Variants in TUBGCP4 observed in about 807,000 individuals in gnomAD.
The protein encoded by TUBGCP4 is gamma-tubulin complex component 4.
A neutral mutation model predicts 91.6 loss-of-function variants in TUBGCP4; 54 were observed. That is an observed-to-expected ratio of 0.59 (90% CI 0.47 to 0.74). TUBGCP4 has a LOEUF of 0.74. Among genes scored for constraint, TUBGCP4 ranks in the 30% least tolerant of loss-of-function variants. The pLI, the probability that TUBGCP4 is intolerant of heterozygous loss-of-function variation, is 0.00. For missense variants in TUBGCP4, 593 were observed against 800.9 expected (o/e 0.74, Z 3.13); for synonymous variants, 297 against 302.8 (o/e 0.98, Z 0.20).
intron 10 of TUBGCP4, 130 bp downstream of exon 10, chr15:43,395,287 G>A (rs1343558183): frequency 3.9e-6 from 4 of 1,028,674 alleles, no homozygotes; most frequent in Non-Finnish European, 4.6e-6. Flanking sequence ...TCTTATCCAA[G>A]TGAGCAAACT....
chr15:43,373,504 T>C (rs998853242), intron 1 of TUBGCP4, among the ~76,000 whole-genome samples: 4 of 152,234 alleles, frequency 2.6e-5, no homozygotes, highest in Non-Finnish European at 4.4e-5. Flanking sequence ...TATTAACTTA[T>C]TTAATCCTCA....
chr15:43,372,534 A>G (rs560198221), intron 1 of TUBGCP4, among the ~76,000 whole-genome samples: 71 of 148,170 alleles, frequency 4.8e-4, no homozygotes, highest in Admixed American at 7.7e-4. Context: ...GTACAATGCC[A>G]GGCATATAGG....
chr15:43,396,884 C>A lies in TUBGCP4; in HGVS notation c.1172-330C>A, dbSNP rs371712516. 1.9e-3 allele frequency among the ~76,000 whole-genome samples: 296 copies of A among 152,246 alleles called. 2 individuals carry two copies. The highest frequency in any genetic ancestry group is 6.6e-3 in the African/African-American group (276 of 41,540). ...TGGCCTGGCTTGGTCATGTTAATAT[C>A]CCTAAACAATATAGCATAACAAAGT... is the stretch of plus-strand genomic sequence containing the variant. On this transcript the variant is annotated intron_variant, in intron 11 of 17. Transcript: ENST00000564079.
Position 43,403,648 on chromosome 15 carries a change from T to G in TUBGCP4, c.1732-35T>G, listed in dbSNP as rs1383117008. The stretch of plus-strand genomic sequence containing the variant: ...CTTTAACTTCATGGATGTACCTTCC[T>G]TCCTTTCCTAATGCCAACTCTGTTT... On this transcript the variant is annotated intron_variant, in intron 15 of 17. Transcript: ENST00000564079. The G allele has an allele frequency of 2.0e-6, 3 of 1,483,516 alleles. No individual in the cohort carries two copies. In the African/African-American group the frequency reaches 4.1e-5, roughly 21 times the overall value. The allele number at this position is 1,483,516 out of a possible 1,614,324, so 91.9% of individuals were successfully genotyped here.
Position 43,407,799 on chromosome 15 carries a change from A to C in TUBGCP4, c.*2585A>C. On this transcript the variant is annotated 3_prime_UTR_variant, in exon 18 of 18. Transcript: ENST00000564079. Reference sequence around the variant, plus strand: ...TCCAGTGCTTCACTTATGTTGACTCACCTCTTGAAGGTGGTACTTTTCTTC... The same window carrying C: ...TCCAGTGCTTCACTTATGTTGACTCCCCTCTTGAAGGTGGTACTTTTCTTC... 1.6e-5 allele frequency: 14 copies of C among 885,110 alleles called. No individual in the cohort carries two copies. The South Asian group carries it at 2.1e-4, about 13-fold the overall frequency. 54.8% of individuals were successfully genotyped at this position (885,110 alleles called of 1,614,324 possible). A position where few individuals can be genotyped will look rare whatever the true frequency, so the allele number is the denominator to read the frequency against.
intron 1 of TUBGCP4, among the ~76,000 whole-genome samples, chr15:43,372,526 A>G (rs903579757): frequency 6.6e-6 from 1 of 151,940 alleles, no homozygotes; most frequent in Non-Finnish European, 1.5e-5. Context: ...AGATCTTAGT[A>G]CAATGCCAGG....
At chr15:43,373,902 T>C (rs2044162739) in intron 1 of TUBGCP4, among the ~76,000 whole-genome samples, 1 of 152,102 alleles carries the variant, frequency 6.6e-6, no homozygotes. Flanking sequence ...TCCGCCCACC[T>C]CGGCCTCCCA....
At chr15:43,401,955 G>A (rs2044691089) in intron 15 of TUBGCP4, 105 bp downstream of exon 15, 1 of 1,436,512 alleles carries the variant, frequency 7.0e-7, no homozygotes, top group Non-Finnish European at 9.4e-7. Flanking sequence ...AATTATTCAA[G>A]TCCATTTTAA....
intron 11 of TUBGCP4, 76 bp from the exon 12 acceptor site, chr15:43,397,138 G>T: frequency 1.0e-6 from 1 of 985,328 alleles, no homozygotes; most frequent in Non-Finnish European, 1.6e-6. Flanking sequence ...TGTTGGGGGA[G>T]AAGTGGAAAG....
At chr15:43,401,991 G>T in intron 15 of TUBGCP4, 141 bp downstream of exon 15, 4 of 1,123,396 alleles carry the variant, frequency 3.6e-6, no homozygotes, top group Non-Finnish European at 4.9e-6. Flanking sequence ...TGTGTAAAGC[G>T]GCGGGGCATG....
chr15:43,388,574 A>G (rs1595488268), intron 9 of TUBGCP4, among the ~76,000 whole-genome samples: 1 of 152,232 alleles, frequency 6.6e-6, no homozygotes, highest in Non-Finnish European at 1.5e-5. Flanking sequence ...AATTGAATCT[A>G]GTTCTGTTGC....
At chr15:43,400,953 C>T (rs1187225837) in intron 14 of TUBGCP4, among the ~76,000 whole-genome samples, 2 of 152,018 alleles carry the variant, frequency 1.3e-5, no homozygotes, top group African/African-American at 4.8e-5. Flanking sequence ...AATGATCCTC[C>T]TGCCTTTGCC....
At chr15:43,386,725 CAAAAAAAAAAAA>C (rs10718458) in intron 9 of TUBGCP4, among the ~76,000 whole-genome samples, 2 of 67,012 alleles carry the variant, frequency 3.0e-5, no homozygotes, top group Non-Finnish European at 2.9e-5. Flanking sequence ...ACTCTGTCTC[CAAAAAAAAAAAA>C]AAAAAAAAAA....
chr15:43,409,762 A>AAGAT lies in TUBGCP4; in HGVS notation c.*4550_*4553dup. On this transcript the variant is annotated 3_prime_UTR_variant, in exon 18 of 18. Coordinates refer to ENST00000564079, the MANE Select transcript of TUBGCP4 (RefSeq NM_014444.5). The stretch of plus-strand genomic sequence containing the variant: ...AAATTCTATATTAAAAAAAAAAACC[A>AAGAT]AGATAATAATTACTGAGTGGTTTTC... 1.6e-6 allele frequency: 2 copies of AAGAT among 1,268,102 alleles called. No individual in the cohort carries two copies. Among genetic ancestry groups the AAGAT allele is most frequent in the African/African-American group, 3.1e-5 (2 of 64,834 alleles). The allele number at this position is 1,268,102 out of a possible 1,614,324, so 78.6% of individuals were successfully genotyped here. A position where few individuals can be genotyped will look rare whatever the true frequency, so the allele number is the denominator to read the frequency against.
At chr15:43,385,685 C>T in intron 7 of TUBGCP4, 106 bp from the exon 8 acceptor site, 2 of 1,212,960 alleles carry the variant, frequency 1.6e-6, no homozygotes, top group Non-Finnish European at 1.2e-6. Context: ...TTTGAAGTCC[C>T]TGCGTCTTTA....
intron 4 of TUBGCP4, 126 bp downstream of exon 4, chr15:43,377,193 C>A: frequency 1.3e-6 from 1 of 799,750 alleles, no homozygotes; most frequent in Admixed American, 2.3e-5. Context: ...ATATTTTGTG[C>A]ATTTTGTATG....
Position 43,403,677 on chromosome 15 carries a change from G to T in TUBGCP4, c.1732-6G>T, listed in dbSNP as rs769172991. 1 of 1,605,258 alleles carries T rather than the reference G, an allele frequency of 6.2e-7. No individual in the cohort carries two copies. The highest frequency in any genetic ancestry group is 8.5e-7 in the Non-Finnish European group (1 of 1,173,868). On this transcript the variant is annotated splice_region_variant and splice_polypyrimidine_tract_variant and intron_variant, in intron 15 of 17. Transcript: ENST00000564079. ...TTTCCTAATGCCAACTCTGTTTCCC[G>T]GGTAGGTGTTTCACTGCCTGAATGA...
chr15:43,376,483 T>C lies in TUBGCP4; in HGVS notation c.208-20T>C. ...TCAGGGCCTGAGCTGAGAAGTTGGC[T>C]TCTGTTTGTTTGATTTCAGGATCAC... is the stretch of plus-strand genomic sequence containing the variant. On this transcript the variant is annotated intron_variant, in intron 2 of 17. Transcript: ENST00000564079. 6.2e-7 allele frequency: 1 copy of C among 1,614,206 alleles called. No homozygotes were observed. Among genetic ancestry groups the C allele is most frequent in the Non-Finnish European group, 8.5e-7 (1 of 1,180,032 alleles).
Position 43,386,249 on chromosome 15 carries a change from G to C in TUBGCP4, c.933G>C (p.Leu311=). The part of the protein sequence containing the change: ...KNQEDTFAAE[L]HRLKQQPLFS... ...AGGAAGACACTTTTGCTGCAGAGCT[G>C]CACCGTCTCAAGCAGCAGCCACTCT... Residue 311 remains leucine, a synonymous_variant, in exon 9 of 18, where the codon CTG becomes CTC. Coordinates refer to ENST00000564079, the MANE Select transcript of TUBGCP4 (RefSeq NM_014444.5). 6.2e-7 allele frequency: 1 copy of C among 1,605,342 alleles called. No individual in the cohort carries two copies. The highest frequency in any genetic ancestry group is 8.5e-7 in the Non-Finnish European group (1 of 1,177,062).
Sources: gnomAD v4.1 joint callset for allele counts (sites outside exome capture counted in the v4.1 genomes callset) on GRCh38, gnomAD v4.1.1 for gene constraint, MANE v1.5 for transcripts, NCBI Gene and HGNC (gene_info 2026-07-23, HGNC 2026-07-21) for gene names.